The following UBE2L6 variants were observed in gnomAD, a reference collection of about 807,000 sequenced individuals.
The protein encoded by UBE2L6 is ubiquitin/ISG15-conjugating enzyme E2 L6.
A neutral mutation model predicts 13.6 loss-of-function variants in UBE2L6; 11 were observed. The observed-to-expected ratio is 0.81, with a 90% confidence interval of 0.51 to 1.34. The LOEUF is 1.34. Ranked by LOEUF, UBE2L6 falls within the 40% of genes most tolerant of loss-of-function variation. The pLI is 0.00. For missense variants in UBE2L6, 197 were observed against 199.5 expected, an observed-to-expected ratio of 0.99 and a Z score of 0.07; for synonymous variants, 74 against 83.2, an observed-to-expected ratio of 0.89 and a Z score of 0.60.
At chr11:57,564,378 A>C (rs1056268001) in intron 1 of UBE2L6, among the ~76,000 whole-genome samples, 1 of 152,238 alleles carries the variant, frequency 6.6e-6, no homozygotes, top group Admixed American at 6.5e-5. Context: ...TCCTTCAAAC[A>C]TGAAGGAGAA....
chr11:57,557,069 A>G (rs78290347), intron 2 of UBE2L6, among the ~76,000 whole-genome samples: 1 of 145,090 alleles, frequency 6.9e-6, no homozygotes, highest in Non-Finnish European at 1.5e-5. Context: ...TCTGTCACCA[A>G]AAAAAAAAAA....
chr11:57,557,887 C>T (rs976790143), intron 2 of UBE2L6, among the ~76,000 whole-genome samples: 4 of 152,186 alleles, frequency 2.6e-5, no homozygotes, highest in African/African-American at 9.7e-5. Flanking sequence ...AGTCATGGAG[C>T]TGAGAGCTCC....
Position 57,554,432 on chromosome 11 carries a change from C to G in UBE2L6, c.310+5G>C. 6.2e-7 allele frequency: 1 copy of G among 1,613,140 alleles called. No homozygotes were observed. The highest frequency in any genetic ancestry group is 8.5e-7 in the Non-Finnish European group (1 of 1,179,332). ...GTCCCTCCTCCAAGCAAAGCCCAACCCCACCTTGGCAAGTCTTGGTGCAAG... is the reference window on the plus strand; with the variant it reads ...GTCCCTCCTCCAAGCAAAGCCCAACGCCACCTTGGCAAGTCTTGGTGCAAG... On this transcript the variant is annotated splice_donor_5th_base_variant and intron_variant, in intron 3 of 3. Coordinates refer to ENST00000287156, the MANE Select transcript of UBE2L6 (RefSeq NM_004223.5).
intron 2 of UBE2L6, among the ~76,000 whole-genome samples, chr11:57,557,028 G>A (rs1298032741): frequency 4.0e-5 from 6 of 151,416 alleles, no homozygotes; most frequent in African/African-American, 1.5e-4. Flanking sequence ...AGAGGTTGCA[G>A]TGAGTCTTGC....
At chr11:57,558,777 C>T (rs1184242043) in intron 2 of UBE2L6, among the ~76,000 whole-genome samples, 1 of 152,206 alleles carries the variant, frequency 6.6e-6, no homozygotes, top group Non-Finnish European at 1.5e-5. Flanking sequence ...TTCCAAAAGA[C>T]CTTTCCTGGT....
At chr11:57,555,779 A>G (rs1287321916) in intron 2 of UBE2L6, among the ~76,000 whole-genome samples, 1 of 152,162 alleles carries the variant, frequency 6.6e-6, no homozygotes, top group Non-Finnish European at 1.5e-5. Context: ...TCACTGTGCC[A>G]GGGCTGGTCT....
At chr11:57,555,753 T>G (rs541414069) in intron 2 of UBE2L6, among the ~76,000 whole-genome samples, 2 of 152,110 alleles carry the variant, frequency 1.3e-5, no homozygotes, top group Non-Finnish European at 2.9e-5. Context: ...ATTAAAAAAA[T>G]TTTTTTGATA....
intron 1 of UBE2L6, among the ~76,000 whole-genome samples, chr11:57,565,183 G>A (rs1421761777): frequency 3.4e-5 from 5 of 147,546 alleles, no homozygotes; most frequent in African/African-American, 7.5e-5. Flanking sequence ...CGGAGGTTGC[G>A]GTGAGCTGAG....
At position 57,567,620 on chromosome 11, in the gene UBE2L6, C is replaced by T. The variant is rs373272794; in HGVS notation, c.-9G>A. On this transcript the variant is annotated 5_prime_UTR_variant, in exon 1 of 4. Coordinates refer to ENST00000287156, the MANE Select transcript of UBE2L6 (RefSeq NM_004223.5). ...CGCATGCTCGCCATCATGTCGGGAC[C>T]GAGTGTGTGGCACCCGTGGCCTCCA... is the stretch of plus-strand genomic sequence containing the variant. 5 of 1,607,310 alleles carry T rather than the reference C, an allele frequency of 3.1e-6. No homozygotes were observed. Among genetic ancestry groups the T allele is most frequent in the Non-Finnish European group, 4.2e-6 (5 of 1,177,776 alleles).
At chr11:57,565,248 A>G (rs992137257) in intron 1 of UBE2L6, among the ~76,000 whole-genome samples, 9 of 152,014 alleles carry the variant, frequency 5.9e-5, no homozygotes, top group Non-Finnish European at 1.0e-4. Flanking sequence ...ATCTTAAGGA[A>G]GGAAGGAAGG....
intron 1 of UBE2L6, among the ~76,000 whole-genome samples, chr11:57,564,845 T>C (rs1450116240): frequency 6.6e-6 from 1 of 151,928 alleles, no homozygotes; most frequent in Non-Finnish European, 1.5e-5. Context: ...TATAACACTG[T>C]ATTTATGGTA....
intron 1 of UBE2L6, among the ~76,000 whole-genome samples, chr11:57,562,979 C>G (rs1945058643): frequency 6.6e-6 from 1 of 152,134 alleles, no homozygotes; most frequent in South Asian, 2.1e-4. Flanking sequence ...CAGGAAAACA[C>G]AGCCTCACCA....
chr11:57,558,364 C>A (rs187694731), intron 2 of UBE2L6, among the ~76,000 whole-genome samples: 177 of 152,336 alleles, frequency 1.2e-3, no homozygotes, highest in African/African-American at 3.8e-3. Flanking sequence ...CAGGTGTAAG[C>A]CACCGTGCCC....
intron 2 of UBE2L6, among the ~76,000 whole-genome samples, chr11:57,556,823 C>T (rs866533356): frequency 6.6e-5 from 10 of 151,760 alleles, no homozygotes; most frequent in Middle Eastern, 3.4e-3. Context: ...CGGTGGCTCG[C>T]GCCTGTAATC....
At chr11:57,561,506 A>C (rs1945047247) in intron 1 of UBE2L6, among the ~76,000 whole-genome samples, 1 of 152,150 alleles carries the variant, frequency 6.6e-6, no homozygotes, top group Admixed American at 6.6e-5. Context: ...GGGGAGAAGG[A>C]AGGTTTCACA....
Position 57,560,337 on chromosome 11 carries a change from G to T in UBE2L6, c.123C>A (p.Pro41=), listed in dbSNP as rs752245406. ...AGCCATGGTCCCCATGGATACTCAC[G>T]GGTAGGAGGAGAGCGTGCCACACCA... ...NVLVWHALLL[P]DQPPYHLKAF... The change falls in exon 2 of 4, where the codon CCC becomes CCA. Residue 41 remains proline, a splice_region_variant and synonymous_variant. Transcript: ENST00000287156. 6.2e-7 allele frequency: 1 copy of T among 1,613,230 alleles called. No homozygotes were observed. The highest frequency in any genetic ancestry group is 1.7e-5 in the Admixed American group (1 of 59,998).
At chr11:57,559,688 A>C (rs1171069182) in intron 2 of UBE2L6, among the ~76,000 whole-genome samples, 1 of 152,214 alleles carries the variant, frequency 6.6e-6, no homozygotes, top group South Asian at 2.1e-4. Flanking sequence ...GACTAACAAA[A>C]AGTTCAATGT....
chr11:57,556,097 G>C (rs1426117252), intron 2 of UBE2L6, among the ~76,000 whole-genome samples: 1 of 152,154 alleles, frequency 6.6e-6, no homozygotes, highest in Non-Finnish European at 1.5e-5. Context: ...CTAAGGGTTT[G>C]ACATGCATTA....
At chr11:57,563,767 T>C in intron 1 of UBE2L6, among the ~76,000 whole-genome samples, 1 of 145,636 alleles carries the variant, frequency 6.9e-6, no homozygotes, top group East Asian at 2.0e-4. Context: ...CCGGGCGTGG[T>C]GGTGGGCGCC....
Sources: gnomAD v4.1 joint callset for allele counts (sites outside exome capture counted in the v4.1 genomes callset) on GRCh38, gnomAD v4.1.1 for gene constraint, MANE v1.5 for transcripts, NCBI Gene and HGNC (gene_info 2026-07-23, HGNC 2026-07-21) for gene names.